The following GALNT18 variants were observed in gnomAD, a reference collection of about 807,000 sequenced individuals.
GALNT18 encodes polypeptide N-acetylgalactosaminyltransferase 18, also known as GalNAc-transferase 18.
A neutral mutation model predicts 69.5 loss-of-function variants in GALNT18; 44 were observed. The observed-to-expected ratio is 0.63, with a 90% CI of 0.50 to 0.81. The LOEUF (loss-of-function observed/expected upper bound fraction) is 0.81. Ranked by LOEUF, GALNT18 falls within the 40% of genes least tolerant of loss-of-function variation. GALNT18 has a pLI of 0.00. For missense variants in GALNT18, 715 were observed against 810.0 expected (o/e 0.88, Z 1.42); for synonymous variants, 364 against 318.2 (o/e 1.14, Z -1.53).
chr11:11,360,902 A>G lies in GALNT18; in HGVS notation c.1092+11613T>C, dbSNP rs923311210. Among the ~76,000 whole-genome samples the G allele has an allele frequency of 1.3e-5, 2 of 152,242 alleles. 1 individual carries two copies. On this transcript the variant is annotated intron_variant, in intron 6 of 10. Transcript: ENST00000227756. ...AACAATTTCTAAAAAAATACCACATAAAAGGTGTAGCAGGTTGAGTTGTGT... is the reference window on the plus strand; with the variant it reads ...AACAATTTCTAAAAAAATACCACATGAAAGGTGTAGCAGGTTGAGTTGTGT...
chr11:11,348,167 C>A (rs1850335301), intron 6 of GALNT18, among the ~76,000 whole-genome samples: 1 of 152,082 alleles, frequency 6.6e-6, no homozygotes, highest in Non-Finnish European at 1.5e-5. Context: ...TACCTGAGGT[C>A]AGGAGTTCGA....
At chr11:11,419,619 A>AAAAAAAAAAGAAAG (rs1554932034) in intron 3 of GALNT18, among the ~76,000 whole-genome samples, 2 of 128,356 alleles carry the variant, frequency 1.6e-5, no homozygotes, top group African/African-American at 2.8e-5. Flanking sequence ...AAAAAAAAAA[A>AAAAAAAAAAGAAAG]AAAGAAAGAA....
Position 11,461,865 on chromosome 11 carries a change from G to A in GALNT18, c.236-12929C>T, listed in dbSNP as rs1856051630. On this transcript the variant is annotated intron_variant, in intron 1 of 10. Coordinates refer to ENST00000227756, the MANE Select transcript of GALNT18 (RefSeq NM_198516.3). This position sits in a 1 kb window ranked among gnomAD's most constrained non-coding sequence, Gnocchi z 4.1. ...TCAAGGCTCTGCTACAAGAGTCCTT[G>A]CTTTGGGAAACCTGCAGCCTGAATG... Among the ~76,000 whole-genome samples the A allele has an allele frequency of 6.6e-6, 1 of 152,212 alleles. No homozygotes were observed. The highest frequency in any genetic ancestry group is 1.5e-5 in the Non-Finnish European group (1 of 68,048).
chr11:11,519,450 G>A (rs1857347907), intron 1 of GALNT18, among the ~76,000 whole-genome samples: 1 of 152,142 alleles, frequency 6.6e-6, no homozygotes, highest in African/African-American at 2.4e-5. Flanking sequence ...GCCCACCTGT[G>A]AGCCAGAGGC....
chr11:11,568,255 G>C (rs1366847646), intron 1 of GALNT18, among the ~76,000 whole-genome samples: 3 of 152,116 alleles, frequency 2.0e-5, no homozygotes, highest in Non-Finnish European at 2.9e-5. Context: ...GAGGTTGTTT[G>C]TTATGCAGCC....
chr11:11,351,956 G>A (rs569640236), intron 6 of GALNT18: 76 of 1,596,510 alleles, frequency 4.8e-5, no homozygotes, highest in African/African-American at 1.1e-4. Context: ...ACTGCTGAGC[G>A]CCAGTGGCAG....
At position 11,470,376 on chromosome 11, in the gene GALNT18, G is replaced by A. The variant is rs545267483; in HGVS notation, c.236-21440C>T. On this transcript the variant is annotated intron_variant, in intron 1 of 10. Transcript: ENST00000227756. This position sits in a 1 kb window ranked among gnomAD's most constrained non-coding sequence, Gnocchi z 4.8. Reference sequence around the variant, plus strand: ...GCCCTACATTCATATCTTGATCTATGGATGGGAATTTCCATCTTAGAAGAC... The same window carrying A: ...GCCCTACATTCATATCTTGATCTATAGATGGGAATTTCCATCTTAGAAGAC... 6.6e-6 allele frequency among the ~76,000 whole-genome samples: 1 copy of A among 152,280 alleles called. No homozygotes were observed. Among genetic ancestry groups the A allele is most frequent in the Admixed American group, 6.5e-5 (1 of 15,294 alleles).
intron 1 of GALNT18, among the ~76,000 whole-genome samples, chr11:11,585,393 T>C (rs1859189739): frequency 6.6e-6 from 1 of 151,626 alleles, no homozygotes; most frequent in Non-Finnish European, 1.5e-5. Flanking sequence ...TTTGCTCTTA[T>C]TGCCCAGGCT....
intron 6 of GALNT18, among the ~76,000 whole-genome samples, chr11:11,361,344 C>T (rs1376736105): frequency 1.3e-5 from 2 of 152,192 alleles, no homozygotes; most frequent in Non-Finnish European, 2.9e-5. Context: ...GTTATATCAC[C>T]TCTCTCTGTG....
In GALNT18 at chr11:11,541,978, C is replaced by T. The variant is rs566198674; in HGVS notation, c.235+79381G>A. On this transcript the variant is annotated intron_variant, in intron 1 of 10. Coordinates refer to ENST00000227756, the MANE Select transcript of GALNT18 (RefSeq NM_198516.3). This position sits in a 1 kb window ranked among gnomAD's most constrained non-coding sequence, Gnocchi z 4.8. Reference sequence around the variant, plus strand: ...CACGAGCCAAACCCAGGAGGAGCTTCACCCCCACCCTTCAGAAGACCCCAG... The same window carrying T: ...CACGAGCCAAACCCAGGAGGAGCTTTACCCCCACCCTTCAGAAGACCCCAG... 6.6e-6 allele frequency among the ~76,000 whole-genome samples: 1 copy of T among 152,262 alleles called. No individual in the cohort carries two copies. The highest frequency in any genetic ancestry group is 1.9e-4 in the East Asian group (1 of 5,166).
intron 6 of GALNT18, among the ~76,000 whole-genome samples, chr11:11,364,559 G>A (rs1218017046): frequency 1.3e-5 from 2 of 151,672 alleles, no homozygotes; most frequent in Admixed American, 6.6e-5. Flanking sequence ...AAGAGGGGGG[G>A]AAAAAGAGAT....
At chr11:11,612,353 C>T (rs1203020012) in intron 1 of GALNT18, among the ~76,000 whole-genome samples, 1 of 152,198 alleles carries the variant, frequency 6.6e-6, no homozygotes, top group East Asian at 1.9e-4. Context: ...TCCCTTGATA[C>T]AATCAATCTT....
chr11:11,452,612 A>T (rs1271204611), intron 1 of GALNT18, among the ~76,000 whole-genome samples: 2 of 152,222 alleles, frequency 1.3e-5, no homozygotes, highest in African/African-American at 4.8e-5. Context: ...TCCCGTCTCC[A>T]GTGAGAAAGC....
At chr11:11,325,458 T>G (rs1165473692) in intron 9 of GALNT18, among the ~76,000 whole-genome samples, 1 of 151,982 alleles carries the variant, frequency 6.6e-6, no homozygotes, top group African/African-American at 2.4e-5. Context: ...CAATCACCAC[T>G]AAAGAACTTA....
rs574084666 is a variant in GALNT18, at chr11:11,558,174, T to C, written c.235+63185A>G. ...GGATTCTCAGATCCCCATTTCTTTT[T>C]TACATTGTAATGTTTTTGAAATGGT... On this transcript the variant is annotated intron_variant, in intron 1 of 10. Transcript: ENST00000227756. Among the ~76,000 whole-genome samples, 9 of 152,316 alleles carry C rather than the reference T, an allele frequency of 5.9e-5. No homozygotes were observed. In the East Asian group the frequency reaches 1.7e-3, roughly 29 times the overall value.
rs1430872889 is a variant in GALNT18, at chr11:11,402,409, T to C, written c.596-23145A>G. 6.6e-6 allele frequency among the ~76,000 whole-genome samples: 1 copy of C among 152,258 alleles called. No individual in the cohort carries two copies. The stretch of plus-strand genomic sequence containing the variant: ...TGTCTTCAATCATAAACTGCTTTTA[T>C]CTTATTGAACCAGGCTTTGATGGTG... On this transcript the variant is annotated intron_variant, in intron 3 of 10. Coordinates refer to ENST00000227756, the MANE Select transcript of GALNT18 (RefSeq NM_198516.3). The surrounding 1 kb of genome is among the most constrained non-coding windows in gnomAD (Gnocchi z 4.0).
chr11:11,431,244 C>T lies in GALNT18; in HGVS notation c.595+1377G>A, dbSNP rs142532668. 2.6e-5 allele frequency among the ~76,000 whole-genome samples: 4 copies of T among 152,280 alleles called. No homozygotes were observed. The East Asian group carries it at 7.7e-4, about 29-fold the overall frequency. The stretch of plus-strand genomic sequence containing the variant: ...TGCTGGTTCTTCCATCCTGTGCCTC[C>T]TTACAATGTAAGACGTGAGGAGGAT... On this transcript the variant is annotated intron_variant, in intron 3 of 10. Coordinates refer to ENST00000227756, the MANE Select transcript of GALNT18 (RefSeq NM_198516.3).
rs189843935 is a variant in GALNT18 at position 11,297,187 on chromosome 11, C to T, written c.1513-3994G>A. On this transcript the variant is annotated intron_variant, in intron 9 of 10. Transcript: ENST00000227756. ...CCTAAGTGCACAGGACAGCCCCCCA[C>T]AGCAAAGAATTATCTAGCCAAAATG... is the stretch of plus-strand genomic sequence containing the variant. Among the ~76,000 whole-genome samples the T allele has an allele frequency of 2.5e-3, 376 of 152,228 alleles. 1 individual carries two copies. Among genetic ancestry groups the T allele is most frequent in the Non-Finnish European group, 1.9e-3 (127 of 68,012 alleles).
At chr11:11,276,000 G>T (rs118151248) in intron 10 of GALNT18, among the ~76,000 whole-genome samples, 21,155 of 152,168 alleles carry the variant, frequency 0.14, 1,757 homozygotes, top group South Asian at 0.23. Context: ...TCTTAAGATT[G>T]TCTTGGCTAT....
Sources: allele counts gnomAD v4.1 joint callset (sites outside exome capture counted in the v4.1 genomes callset), GRCh38; gene constraint gnomAD v4.1.1; non-coding constraint Gnocchi (gnomAD v3.1); transcripts MANE v1.5; gene names NCBI Gene and HGNC (gene_info 2026-07-23, HGNC 2026-07-21).